QSOX2: variants seen among roughly 807,000 people sequenced by gnomAD.
QSOX2 encodes the protein quiescin sulfhydryl oxidase 2.
A neutral mutation model predicts 61.7 loss-of-function variants in QSOX2; 46 were observed. The ratio of observed to expected loss-of-function variants is 0.75; its 90% CI spans 0.59 to 0.95. QSOX2 has a LOEUF of 0.95. Among genes scored for constraint, QSOX2 ranks in the 40% least tolerant of loss-of-function variants. The pLI is 0.00. For synonymous variants in QSOX2, 383 were observed against 388.4 expected, an observed-to-expected ratio of 0.99 and a Z score of 0.16; for missense variants, 879 against 918.9, an observed-to-expected ratio of 0.96 and a Z score of 0.56.
rs929660252 is a variant in QSOX2, at chr9:136,221,734, C to T, written c.821+62G>A. On this transcript the variant is annotated intron_variant, in intron 6 of 11. Coordinates refer to ENST00000358701, the MANE Select transcript of QSOX2 (RefSeq NM_181701.4). This position sits in a 1 kb window ranked among gnomAD's most constrained non-coding sequence, Gnocchi z 4.5. ...TCACACCAGACTTGCACTGTCTACT[C>T]GGAGCCTCTGTCCGGTAACTCCGAG... 2.7e-5 allele frequency: 40 copies of T among 1,505,800 alleles called. 1 individual carries two copies. In the Admixed American group the frequency reaches 4.4e-4, roughly 16 times the overall value. The allele number at this position is 1,505,800 out of a possible 1,614,324, so 93.3% of individuals were successfully genotyped here.
At position 136,208,697 on chromosome 9, in the gene QSOX2, G is replaced by A. The variant is rs1448001356; in HGVS notation, c.*31C>T. 10 of 1,579,878 alleles carry A rather than the reference G, an allele frequency of 6.3e-6. No homozygotes were observed. The highest frequency in any genetic ancestry group is 7.8e-6 in the Non-Finnish European group (9 of 1,160,140). On this transcript the variant is annotated 3_prime_UTR_variant, in exon 12 of 12. Transcript: ENST00000358701. ...ACGGGGCAGGGCTGCCTCCAAGGGA[G>A]CTTCCGCCGTGGCTGGCAGCACCCG...
intron 8 of QSOX2, 126 bp downstream of exon 8, chr9:136,218,553 G>C (rs530152886): frequency 8.3e-7 from 1 of 1,201,064 alleles, no homozygotes; most frequent in Admixed American, 2.8e-5. Context: ...GGGCCTGGGC[G>C]ACAAAGCAAG....
chr9:136,245,022 G>A (rs1000938429), intron 1 of QSOX2, among the ~76,000 whole-genome samples: 7 of 152,168 alleles, frequency 4.6e-5, no homozygotes, highest in Non-Finnish European at 8.8e-5. Context: ...AGGAATGAGG[G>A]ATCCTCAGAG....
chr9:136,240,381 G>A (rs1430915829), intron 1 of QSOX2, among the ~76,000 whole-genome samples: 1 of 152,176 alleles, frequency 6.6e-6, no homozygotes, highest in Non-Finnish European at 1.5e-5. Flanking sequence ...GTATAGTCCA[G>A]TATCAAATCG....
chr9:136,216,566 G>C, intron 9 of QSOX2, 34 bp downstream of exon 9: 2 of 1,611,190 alleles, frequency 1.2e-6, no homozygotes, highest in South Asian at 2.2e-5. Context: ...GGGAAGGAGG[G>C]TGCAGCGTGG....
chr9:136,232,606 A>G (rs1475731470), intron 1 of QSOX2, among the ~76,000 whole-genome samples: 1 of 152,202 alleles, frequency 6.6e-6, no homozygotes, highest in Non-Finnish European at 1.5e-5. Context: ...ACACAGCACC[A>G]TTCACAGTAC....
intron 10 of QSOX2, 38 bp downstream of exon 10, chr9:136,215,116 G>A: frequency 6.3e-7 from 1 of 1,598,076 alleles, no homozygotes; most frequent in South Asian, 1.1e-5. Flanking sequence ...TTGTTAGGCA[G>A]ACCATCGGCC....
At chr9:136,229,502 C>A (rs1054842684) in intron 1 of QSOX2, among the ~76,000 whole-genome samples, 4 of 152,130 alleles carry the variant, frequency 2.6e-5, no homozygotes, top group African/African-American at 9.7e-5. Flanking sequence ...CATTTTTATT[C>A]CACACTTTTT....
chr9:136,239,649 A>G (rs1830419061), intron 1 of QSOX2, among the ~76,000 whole-genome samples: 1 of 152,270 alleles, frequency 6.6e-6, no homozygotes, highest in African/African-American at 2.4e-5. Flanking sequence ...CCGCAGGGGC[A>G]GCACCTCGAC....
chr9:136,237,947 G>A (rs920403411), intron 1 of QSOX2, among the ~76,000 whole-genome samples: 7 of 152,254 alleles, frequency 4.6e-5, no homozygotes, highest in Non-Finnish European at 7.3e-5. Context: ...TCTGCCCCCA[G>A]GGACAGTGCA....
At chr9:136,234,238 T>C (rs551920267) in intron 1 of QSOX2, among the ~76,000 whole-genome samples, 1 of 152,360 alleles carries the variant, frequency 6.6e-6, no homozygotes, top group East Asian at 1.9e-4. Context: ...ACGGAACACG[T>C]GTAACACACA....
chr9:136,221,951 G>A lies in QSOX2; in HGVS notation c.676-10C>T, dbSNP rs374210382. The A allele has an allele frequency of 3.8e-6, 6 of 1,578,070 alleles. No homozygotes were observed. In the African/African-American group the frequency reaches 4.1e-5, roughly 11 times the overall value. On this transcript the variant is annotated splice_polypyrimidine_tract_variant and intron_variant, in intron 5 of 11. Transcript: ENST00000358701. The surrounding 1 kb of genome is among the most constrained non-coding windows in gnomAD (Gnocchi z 4.5). ...TCAGGTCTAAGATCACCTGGGGGAT[G>A]AGAACACAATGACACTTCCACAGGG...
At position 136,223,790 on chromosome 9, in the gene QSOX2, T is replaced by C. The variant is rs749620299; in HGVS notation, c.648A>G (p.Glu216=). 2.5e-6 allele frequency: 4 copies of C among 1,614,018 alleles called. No individual in the cohort carries two copies. The East Asian group carries it at 8.9e-5, about 36-fold the overall frequency. ...CCCGTCCAAGGTAGGAGCTGTTGCT[T>C]TCAAAGACAATAGCCACGTAATGGC... is the stretch of plus-strand genomic sequence containing the variant. ...RGSHYVAIVF[E]SNSSYLGREV... Residue 216 remains glutamate (E), a synonymous_variant, in exon 5 of 12, where the codon GAA becomes GAG. Transcript: ENST00000358701. The surrounding 1 kb of genome is among the most constrained non-coding windows in gnomAD (Gnocchi z 4.4).
Position 136,208,907 on chromosome 9 carries a change from C to G in QSOX2, c.1918G>C (p.Gly640Arg). ...DGKLQSLDGP[G>R]AHKEVGGAAP... ...GCCCCGCCCACCTCCTTGTGGGCCC[C>G]GGGCCCATCCAGACTCTGGAGTTTC... Residue 640 changes from glycine (G) to arginine (R), a missense_variant, in exon 12 of 12, where the codon GGG becomes CGG. Transcript: ENST00000358701. The G allele has an allele frequency of 1.9e-6, 3 of 1,613,920 alleles. No individual in the cohort carries two copies. Among genetic ancestry groups the G allele is most frequent in the South Asian group, 2.2e-5 (2 of 91,070 alleles).
intron 9 of QSOX2, 46 bp downstream of exon 9, chr9:136,216,554 G>A (rs541612851): frequency 7.5e-6 from 12 of 1,604,512 alleles, no homozygotes; most frequent in Middle Eastern, 1.7e-4. Context: ...GAAGGAAGGC[G>A]AGGGAAGGAG....
In QSOX2 at chr9:136,208,891, A is replaced by C; in HGVS notation, c.1934T>G (p.Val645Gly). 1 of 1,613,856 alleles carries C rather than the reference A, an allele frequency of 6.2e-7. No individual in the cohort carries two copies. Among genetic ancestry groups the C allele is most frequent in the Non-Finnish European group, 8.5e-7 (1 of 1,180,004 alleles). Residue 645 changes from valine to glycine, a missense_variant, in exon 12 of 12, where the codon GTG (valine) becomes GGG (glycine). Coordinates refer to ENST00000358701, the MANE Select transcript of QSOX2 (RefSeq NM_181701.4). ...SLDGPGAHKE[V>G]GGAAPFLGVD... ...CCCGAGGAAGGGTGCGGCCCCGCCC[A>C]CCTCCTTGTGGGCCCCGGGCCCATC...
Position 136,208,473 on chromosome 9 carries a change from T to TA in QSOX2, c.*254dup. ...TAAAAATACAGAAGTCTTTTTGCTGTAAGACCTGCAAAAGGAGCATGAACA... is the reference window on the plus strand; with the variant it reads ...TAAAAATACAGAAGTCTTTTTGCTGTAAAGACCTGCAAAAGGAGCATGAACA... On this transcript the variant is annotated 3_prime_UTR_variant, in exon 12 of 12. Transcript: ENST00000358701. 2.1e-6 allele frequency: 1 copy of TA among 465,344 alleles called. No individual in the cohort carries two copies. The highest frequency in any genetic ancestry group is 3.5e-5 in the East Asian group (1 of 28,406). 28.8% of individuals were successfully genotyped at this position (465,344 alleles called of 1,614,324 possible). A position where few individuals can be genotyped will look rare whatever the true frequency, so the allele number is the denominator to read the frequency against.
At position 136,215,455 on chromosome 9, in the gene QSOX2, C is replaced by T. The variant is rs1000345269; in HGVS notation, c.1210-151G>A. ...TCAACTGTACACATAAGATCTGTGC[C>T]TCCTACCATATGCAAATTTAAATTC... On this transcript the variant is annotated intron_variant, in intron 9 of 11. Coordinates refer to ENST00000358701, the MANE Select transcript of QSOX2 (RefSeq NM_181701.4). The T allele has an allele frequency of 8.0e-6, 6 of 750,238 alleles. No individual in the cohort carries two copies. In the African/African-American group the frequency reaches 1.1e-4, roughly 13 times the overall value. The allele number at this position is 750,238 out of a possible 1,614,324, so 46.5% of individuals were successfully genotyped here.
intron 1 of QSOX2, among the ~76,000 whole-genome samples, chr9:136,234,974 C>T (rs545716121): frequency 7.9e-5 from 12 of 152,294 alleles, no homozygotes; most frequent in African/African-American, 2.6e-4. Context: ...GGTCTCCATC[C>T]GAATGCCACT....
Sources: allele counts gnomAD v4.1 joint callset (sites outside exome capture counted in the v4.1 genomes callset), GRCh38; gene constraint gnomAD v4.1.1; non-coding constraint Gnocchi (gnomAD v3.1); transcripts MANE v1.5; gene names NCBI Gene and HGNC (gene_info 2026-07-23, HGNC 2026-07-21).